LIX1L: variants seen among roughly 807,000 people sequenced by gnomAD.
The protein encoded by LIX1L is LIX1-like protein.
Under a neutral mutation model 34.0 loss-of-function variants are expected in LIX1L, and 20 were observed. The observed-to-expected ratio is 0.59, with a 90% CI of 0.41 to 0.85. LIX1L has a LOEUF of 0.85. Ranked by LOEUF, LIX1L falls within the 40% of genes least tolerant of loss-of-function variation. The pLI is 0.00. For missense variants in LIX1L, 397 were observed against 447.0 expected (o/e 0.89, Z 1.01); for synonymous variants, 170 against 187.4 (o/e 0.91, Z 0.76).
In LIX1L at chr1:145,948,065, C is replaced by T. The variant is rs190436083; in HGVS notation, c.293-283G>A. On this transcript the variant is annotated intron_variant, in intron 1 of 5. Coordinates refer to ENST00000604000, the MANE Select transcript of LIX1L (RefSeq NM_153713.3). This position sits in a 1 kb window ranked among gnomAD's most constrained non-coding sequence, Gnocchi z 4.0. ...TCCCACCTCCAATCTGAATAGTTCA[C>T]ATTTTAACTTAGTCCTAGAATAACT... is the stretch of plus-strand genomic sequence containing the variant. Among the ~76,000 whole-genome samples, 243 of 152,212 alleles carry T rather than the reference C, an allele frequency of 1.6e-3. 1 individual carries two copies. Among genetic ancestry groups the T allele is most frequent in the Admixed American group, 2.8e-3 (43 of 15,294 alleles).
At chr1:145,940,265 A>G (rs1409866654) in intron 3 of LIX1L, among the ~76,000 whole-genome samples, 1 of 151,782 alleles carries the variant, frequency 6.6e-6, no homozygotes, top group Non-Finnish European at 1.5e-5. Context: ...CGCGCCAACA[A>G]TGAATTTAGA....
At chr1:145,950,579 G>C (rs1376000644) in intron 1 of LIX1L, among the ~76,000 whole-genome samples, 1 of 151,494 alleles carries the variant, frequency 6.6e-6, no homozygotes, top group Non-Finnish European at 1.5e-5. Flanking sequence ...TGTTAGCCAG[G>C]ATGATCTTGA....
chr1:145,944,134 A>G (rs1232566016), intron 2 of LIX1L, among the ~76,000 whole-genome samples: 1 of 152,204 alleles, frequency 6.6e-6, no homozygotes, highest in African/African-American at 2.4e-5. Context: ...AGGCAGGAGG[A>G]TCACTTGAGG....
At chr1:145,936,598 C>T in intron 5 of LIX1L, 46 bp from the exon 6 acceptor site, 2 of 1,607,378 alleles carry the variant, frequency 1.2e-6, no homozygotes, top group Non-Finnish European at 1.7e-6. Context: ...GGTAAAGGTT[C>T]ATATCATACC....
intron 1 of LIX1L, among the ~76,000 whole-genome samples, chr1:145,952,107 T>C (rs1368350050): frequency 1.3e-5 from 2 of 152,152 alleles, no homozygotes; most frequent in African/African-American, 2.4e-5. Context: ...AAGACTTGTT[T>C]GAGGTCACAT....
At position 145,957,830 on chromosome 1, in the gene LIX1L, G is replaced by T; in HGVS notation, c.98C>A (p.Ala33Asp). ...ALRPGVTGAA[A>D]ATATPPAGPP... Reference sequence around the variant, plus strand: ...GCCCGCAGGGGGTGTGGCGGTGGCGGCCGCGGCCCCAGTCACTCCGGGCCG... The same window carrying T: ...GCCCGCAGGGGGTGTGGCGGTGGCGTCCGCGGCCCCAGTCACTCCGGGCCG... The change falls in exon 1 of 6, where the codon GCC becomes GAC. Residue 33 changes from alanine (A) to aspartate (D), a missense_variant. Around this residue, in one of 3 missense-constraint regions of LIX1L, gnomAD observed 207 missense variants for 205.2 expected, o/e 1.01. Coordinates refer to ENST00000604000, the MANE Select transcript of LIX1L (RefSeq NM_153713.3). 1 of 1,401,486 alleles carries T rather than the reference G, an allele frequency of 7.1e-7. No individual in the cohort carries two copies. Among genetic ancestry groups the T allele is most frequent in the Non-Finnish European group, 9.3e-7 (1 of 1,079,256 alleles). The allele number at this position is 1,401,486 out of a possible 1,614,324, so 86.8% of individuals were successfully genotyped here. A position where few individuals can be genotyped will look rare whatever the true frequency, so the allele number is the denominator to read the frequency against.
intron 4 of LIX1L, 68 bp from the exon 5 acceptor site, chr1:145,937,053 T>C (rs887804926): frequency 4.4e-5 from 47 of 1,077,288 alleles, no homozygotes; most frequent in Non-Finnish European, 5.6e-5. Flanking sequence ...CAGAATTACA[T>C]GGGAAACCTT....
chr1:145,939,967 T>A (rs1415316314), intron 3 of LIX1L: 1 of 149,290 alleles, frequency 6.7e-6, no homozygotes, highest in Non-Finnish European at 1.5e-5. Context: ...AACAATGAAT[T>A]TAGTTATTTA....
intron 1 of LIX1L, among the ~76,000 whole-genome samples, chr1:145,956,711 T>C (rs587750655): frequency 6.6e-6 from 1 of 152,344 alleles, no homozygotes; most frequent in African/African-American, 2.4e-5. Context: ...GCTTAAATTC[T>C]GTATTCCACA....
Position 145,957,652 on chromosome 1 carries a change from C to G in LIX1L, c.276G>C (p.Thr92=). ...CAGACTCACCTCGGCCATAGCCCTG[C>G]GTGTGCTTGGCGAAGCTCCTCACCA... is the stretch of plus-strand genomic sequence containing the variant. ...EAVVRSFAKH[T]QGYGRVNVVE... is the part of the protein sequence containing the mutation. The change falls in exon 1 of 6, where the codon ACG becomes ACC. Residue 92 remains threonine (T), a synonymous_variant. Transcript: ENST00000604000. 3.9e-6 allele frequency: 6 copies of G among 1,541,760 alleles called. No homozygotes were observed. The highest frequency in any genetic ancestry group is 5.2e-6 in the Non-Finnish European group (6 of 1,149,448).
rs587612848 is a variant in LIX1L at position 145,943,634 on chromosome 1, A to C, written c.457-781T>G. On this transcript the variant is annotated intron_variant, in intron 2 of 5. Transcript: ENST00000604000. ...ATTCAACTTCAGATCTCTAGCCACC[A>C]TAGTATTCCTTTATAATTCATCTTT... is the stretch of plus-strand genomic sequence containing the variant. 4.3e-4 allele frequency among the ~76,000 whole-genome samples: 65 copies of C among 152,326 alleles called. No individual in the cohort carries two copies. The East Asian group carries it at 8.5e-3, about 20-fold the overall frequency.
At chr1:145,937,857 G>C (rs1398486634) in intron 3 of LIX1L, among the ~76,000 whole-genome samples, 158 bp from the exon 4 acceptor site, 1 of 152,224 alleles carries the variant, frequency 6.6e-6, no homozygotes, top group Non-Finnish European at 1.5e-5. Flanking sequence ...TCCAGGTGCA[G>C]TGGCTCATGC....
chr1:145,941,729 C>T (rs1396850061), intron 3 of LIX1L, among the ~76,000 whole-genome samples: 1 of 152,030 alleles, frequency 6.6e-6, no homozygotes, highest in Non-Finnish European at 1.5e-5. Flanking sequence ...AGCAACATTC[C>T]ACTTCTGTGT....
intron 3 of LIX1L, chr1:145,941,859 G>T (rs1553758684): frequency 6.6e-6 from 1 of 152,082 alleles, no homozygotes; most frequent in Non-Finnish European, 1.5e-5. Flanking sequence ...CTGCCACAAG[G>T]TAAATACTCA....
At position 145,952,483 on chromosome 1, in the gene LIX1L, T is replaced by G. The variant is rs80339954; in HGVS notation, c.293-4701A>C. On this transcript the variant is annotated intron_variant, in intron 1 of 5. Transcript: ENST00000604000. Reference sequence around the variant, plus strand: ...AAAGACCAAGATAGGAATATTTCAGTGCTTATACCCTGCTGTTGAATAACA... The same window carrying G: ...AAAGACCAAGATAGGAATATTTCAGGGCTTATACCCTGCTGTTGAATAACA... Among the ~76,000 whole-genome samples, 591 of 152,324 alleles carry G rather than the reference T, an allele frequency of 3.9e-3. 6 individuals carry two copies. Among genetic ancestry groups the G allele is most frequent in the South Asian group, 0.028 (134 of 4,830 alleles).
At chr1:145,946,581 A>T (rs191971272) in intron 2 of LIX1L, among the ~76,000 whole-genome samples, 1 of 152,344 alleles carries the variant, frequency 6.6e-6, no homozygotes, top group African/African-American at 2.4e-5. Context: ...TTTGAGGCAG[A>T]AACTAAGCTG....
chr1:145,939,114 A>C (rs1553758215), intron 3 of LIX1L, among the ~76,000 whole-genome samples: 1 of 151,566 alleles, frequency 6.6e-6, no homozygotes, highest in African/African-American at 2.4e-5. Context: ...AGTAGCTGGG[A>C]TCACAGTCAA....
intron 1 of LIX1L, among the ~76,000 whole-genome samples, chr1:145,957,069 T>C (rs1649497102): frequency 1.3e-5 from 2 of 152,216 alleles, no homozygotes; most frequent in Admixed American, 6.5e-5. Flanking sequence ...AGGTCCGGAT[T>C]TAAATACACA....
Position 145,957,991 on chromosome 1 carries a change from C to T in LIX1L, c.-64G>A. On this transcript the variant is annotated 5_prime_UTR_variant, in exon 1 of 6. It adds an upstream start codon to the 5' untranslated region. Coordinates refer to ENST00000604000, the MANE Select transcript of LIX1L (RefSeq NM_153713.3). ...CCTGCCGAGCTAACGGTCCCAACCACCCCAGTCAGCTAGCGCCTGGGGACT... is the reference window on the plus strand; with the variant it reads ...CCTGCCGAGCTAACGGTCCCAACCATCCCAGTCAGCTAGCGCCTGGGGACT... 2 of 1,171,806 alleles carry T rather than the reference C, an allele frequency of 1.7e-6. No individual in the cohort carries two copies. Among genetic ancestry groups the T allele is most frequent in the Non-Finnish European group, 2.2e-6 (2 of 890,336 alleles). 72.6% of individuals were successfully genotyped at this position (1,171,806 alleles called of 1,614,324 possible). A position where few individuals can be genotyped will look rare whatever the true frequency, so the allele number is the denominator to read the frequency against.
Sources: gnomAD v4.1 joint callset for allele counts (sites outside exome capture counted in the v4.1 genomes callset) on GRCh38, gnomAD v4.1.1 for gene constraint, gnomAD v4.1.1 regional missense constraint, Gnocchi (gnomAD v3.1) non-coding constraint, MANE v1.5 for transcripts, NCBI Gene and HGNC (gene_info 2026-07-23, HGNC 2026-07-21) for gene names.